UNC5D: variants seen among roughly 807,000 people sequenced by gnomAD.
The protein encoded by UNC5D is unc-5 netrin receptor D, also known as netrin receptor UNC5D.
Under a neutral mutation model 105.4 loss-of-function variants are expected in UNC5D, and 39 were observed. That is an observed-to-expected ratio of 0.37 (90% CI 0.29 to 0.48). The LOEUF is 0.48. Ranked by LOEUF, UNC5D falls within the 20% of genes least tolerant of loss-of-function variation. The pLI is 0.98. For synonymous variants in UNC5D, 452 were observed against 450.4 expected, an observed-to-expected ratio of 1.00 and a Z score of -0.04; for missense variants, 991 against 1,202.4, an observed-to-expected ratio of 0.82 and a Z score of 2.60.
intron 4 of UNC5D, among the ~76,000 whole-genome samples, chr8:35,648,138 T>C (rs1304564121): frequency 6.6e-6 from 1 of 152,126 alleles, no homozygotes; most frequent in Admixed American, 6.5e-5. Context: ...CATGAGTGGG[T>C]GTTCCAAATA....
intron 1 of UNC5D, among the ~76,000 whole-genome samples, chr8:35,279,859 A>G (rs1471399899): frequency 6.6e-6 from 1 of 152,226 alleles, no homozygotes; most frequent in Non-Finnish European, 1.5e-5. Flanking sequence ...AATTGAATCT[A>G]TAGACTTGGC....
At chr8:35,505,896 G>T (rs1027070941) in intron 1 of UNC5D, among the ~76,000 whole-genome samples, 1 of 152,134 alleles carries the variant, frequency 6.6e-6, no homozygotes, top group African/African-American at 2.4e-5. Flanking sequence ...TAACCTCTCT[G>T]TGCTATTTCC....
chr8:35,696,807 T>C (rs1826812913), intron 7 of UNC5D, among the ~76,000 whole-genome samples: 1 of 152,168 alleles, frequency 6.6e-6, no homozygotes, highest in African/African-American at 2.4e-5. Flanking sequence ...CCCTTCCCCA[T>C]TCTCCAGAGT....
chr8:35,777,747 G>A (rs1802320565), intron 16 of UNC5D, among the ~76,000 whole-genome samples: 1 of 152,092 alleles, frequency 6.6e-6, no homozygotes, highest in South Asian at 2.1e-4. Flanking sequence ...ACCCCTATTT[G>A]GATTATAGTC....
chr8:35,756,567 A>T (rs548044565), intron 13 of UNC5D, among the ~76,000 whole-genome samples: 4,613 of 149,242 alleles, frequency 0.031, 248 homozygotes, highest in African/African-American at 0.11. Context: ...AAAAAAAAAA[A>T]GAAAAAAAGA....
chr8:35,496,065 C>A (rs569252015), intron 1 of UNC5D, among the ~76,000 whole-genome samples: 2 of 152,258 alleles, frequency 1.3e-5, no homozygotes, highest in South Asian at 4.1e-4. Flanking sequence ...AATTGTGGTT[C>A]TTTGAGAACA....
At chr8:35,270,054 G>A (rs964581529) in intron 1 of UNC5D, among the ~76,000 whole-genome samples, 1 of 152,138 alleles carries the variant, frequency 6.6e-6, no homozygotes, top group Non-Finnish European at 1.5e-5. Flanking sequence ...TGTATCTCTT[G>A]TGTATATCAG....
intron 1 of UNC5D, among the ~76,000 whole-genome samples, chr8:35,522,961 A>T (rs1351570769): frequency 3.9e-5 from 6 of 152,150 alleles, no homozygotes; most frequent in Non-Finnish European, 8.8e-5. Context: ...CCAATCAATG[A>T]TTATCTTTGA....
chr8:35,446,183 C>A (rs1296111632), intron 1 of UNC5D, among the ~76,000 whole-genome samples: 2 of 151,800 alleles, frequency 1.3e-5, no homozygotes, highest in Non-Finnish European at 2.9e-5. Context: ...CCCGAGTCCT[C>A]AAAGGCATTG....
At chr8:35,478,736 A>G (rs1313092141) in intron 1 of UNC5D, among the ~76,000 whole-genome samples, 1 of 152,180 alleles carries the variant, frequency 6.6e-6, no homozygotes, top group Non-Finnish European at 1.5e-5. Flanking sequence ...ATAACATTAA[A>G]CATTCTATGC....
chr8:35,568,613 C>A (rs536536407), intron 3 of UNC5D, among the ~76,000 whole-genome samples: 49 of 152,322 alleles, frequency 3.2e-4, no homozygotes, highest in African/African-American at 1.1e-3. Context: ...CGCTTGAACC[C>A]AGGAGGTGGA....
Position 35,568,240 on chromosome 8 carries a change from C to G in UNC5D, c.465C>G (p.Ala155=). 1 of 1,613,666 alleles carries G rather than the reference C, an allele frequency of 6.2e-7. No individual in the cohort carries two copies. Among genetic ancestry groups the G allele is most frequent in the South Asian group, 1.1e-5 (1 of 91,006 alleles). Residue 155 remains alanine, a splice_region_variant and synonymous_variant, in exon 3 of 17, where the codon GCC becomes GCG. Coordinates refer to ENST00000404895, the MANE Select transcript of UNC5D (RefSeq NM_080872.4). ...GCAGGAAGGCCTCTGTGCGCATAGC[C>G]TGTAAGTACATTCTGGGTGACCTTG... is the stretch of plus-strand genomic sequence containing the variant. The part of the protein sequence containing the change: ...SKSRKASVRI[A]YLRKNFEQDP...
At chr8:35,778,608 G>T (rs928623950) in intron 16 of UNC5D, among the ~76,000 whole-genome samples, 8 of 152,118 alleles carry the variant, frequency 5.3e-5, no homozygotes, top group Admixed American at 4.6e-4. Context: ...ATTCTATTCA[G>T]GCAGTTCACC....
chr8:35,586,758 TA>T (rs900572790), intron 3 of UNC5D, among the ~76,000 whole-genome samples: 1 of 152,138 alleles, frequency 6.6e-6, no homozygotes, highest in South Asian at 2.1e-4. Flanking sequence ...CTATGACTAT[TA>T]AAAAAATGAC....
At chr8:35,612,563 A>G (rs1391003625) in intron 4 of UNC5D, among the ~76,000 whole-genome samples, 16 of 152,034 alleles carry the variant, frequency 1.1e-4, no homozygotes, top group Admixed American at 9.2e-4. Flanking sequence ...CATTATAAGA[A>G]TTTTCTGTTT....
At chr8:35,248,283 AAT>A (rs1419114026) in intron 1 of UNC5D, among the ~76,000 whole-genome samples, 1 of 112,574 alleles carries the variant, frequency 8.9e-6, no homozygotes, top group African/African-American at 3.8e-5. Context: ...ATAATATATA[AAT>A]ATATGTTATA....
Position 35,235,486 on chromosome 8 carries a change from G to C in UNC5D, c.-299G>C. 1 of 281,364 alleles carries C rather than the reference G, an allele frequency of 3.6e-6. No homozygotes were observed. The highest frequency in any genetic ancestry group is 6.6e-6 in the Non-Finnish European group (1 of 152,012). 17.4% of individuals were successfully genotyped at this position (281,364 alleles called of 1,614,324 possible). On this transcript the variant is annotated 5_prime_UTR_variant, in exon 1 of 17. Coordinates refer to ENST00000404895, the MANE Select transcript of UNC5D (RefSeq NM_080872.4). ...CTCTCGCCTCCGCTCCGTAGTTCGG[G>C]GCCCGGCAGCGGCGCGAGGGCTGGG...
At position 35,515,728 on chromosome 8, in the gene UNC5D, C is replaced by T. The variant is rs909482692; in HGVS notation, c.104-33564C>T. Among the ~76,000 whole-genome samples, 8 of 152,136 alleles carry T rather than the reference C, an allele frequency of 5.3e-5. No individual in the cohort carries two copies. In the East Asian group the frequency reaches 7.7e-4, roughly 15 times the overall value. On this transcript the variant is annotated intron_variant, in intron 1 of 16. Transcript: ENST00000404895. ...GATTTTAAAAGTCCATATGTAAGGGCGGCAACCTTTTAAACTGTCAGAATC... is the reference window on the plus strand; with the variant it reads ...GATTTTAAAAGTCCATATGTAAGGGTGGCAACCTTTTAAACTGTCAGAATC...
chr8:35,689,207 A>G (rs1023005451), intron 7 of UNC5D, among the ~76,000 whole-genome samples: 2 of 152,238 alleles, frequency 1.3e-5, no homozygotes, highest in African/African-American at 4.8e-5. Context: ...TCTGAGAATT[A>G]CTGATTGGAG....
Sources: gnomAD v4.1 joint callset for allele counts (sites outside exome capture counted in the v4.1 genomes callset) on GRCh38, gnomAD v4.1.1 for gene constraint, MANE v1.5 for transcripts, NCBI Gene and HGNC (gene_info 2026-07-23, HGNC 2026-07-21) for gene names.